The following MCTP1 variants were observed in gnomAD, a reference collection of about 807,000 sequenced individuals.
MCTP1 encodes multiple C2 and transmembrane domain containing 1.
MCTP1 carries 69 observed loss-of-function variants against 120.6 expected under a neutral mutation model. The ratio of observed to expected loss-of-function variants is 0.57; its 90% CI spans 0.47 to 0.70. The LOEUF is 0.70. Among genes scored for constraint, MCTP1 ranks in the 30% least tolerant of loss-of-function variants. The pLI, the probability that MCTP1 is intolerant of heterozygous loss-of-function variation, is 0.00. For missense variants in MCTP1, 1,203 were observed against 1,248.8 expected, an observed-to-expected ratio of 0.96 and a Z score of 0.55; for synonymous variants, 529 against 493.1, an observed-to-expected ratio of 1.07 and a Z score of -0.96.
At chr5:95,070,926 A>C (rs73777429) in intron 1 of MCTP1, among the ~76,000 whole-genome samples, 465 of 152,226 alleles carry the variant, frequency 3.1e-3, no homozygotes, top group African/African-American at 0.011. Flanking sequence ...GGCATCTCTC[A>C]GTGGGGAGGT....
rs1454923396 is a variant in MCTP1 at position 94,704,294 on chromosome 5, G to A, written c.*3202C>T. 2 of 151,546 alleles carry A rather than the reference G, an allele frequency of 1.3e-5. No individual in the cohort carries two copies. Among genetic ancestry groups the A allele is most frequent in the African/African-American group, 4.8e-5 (2 of 41,346 alleles). 9.4% of individuals were successfully genotyped at this position (151,546 alleles called of 1,614,324 possible). ...TAGCAATACCTGAGACGTTTTTCAA[G>A]AAGTATAATGGTAGCTGTCTTTACT... On this transcript the variant is annotated 3_prime_UTR_variant, in exon 23 of 23. Coordinates refer to ENST00000515393, the MANE Select transcript of MCTP1 (RefSeq NM_024717.7).
intron 4 of MCTP1, among the ~76,000 whole-genome samples, chr5:94,940,875 C>A (rs577776315): frequency 1.3e-5 from 2 of 151,476 alleles, no homozygotes; most frequent in South Asian, 4.2e-4. Flanking sequence ...ATTGTTATCA[C>A]TTTTTCTATA....
At chr5:95,110,924 C>T (rs548653847) in intron 1 of MCTP1, among the ~76,000 whole-genome samples, 1 of 152,290 alleles carries the variant, frequency 6.6e-6, no homozygotes, top group East Asian at 1.9e-4. Flanking sequence ...GGATAATTCC[C>T]TGGGACTCGT....
chr5:94,715,211 A>G (rs2032587810), intron 19 of MCTP1, among the ~76,000 whole-genome samples: 1 of 151,934 alleles, frequency 6.6e-6, no homozygotes, highest in Non-Finnish European at 1.5e-5. Flanking sequence ...CCAAACCCGG[A>G]TTCTACAGTG....
chr5:94,818,876 C>T (rs545728745), intron 17 of MCTP1, among the ~76,000 whole-genome samples: 2 of 152,116 alleles, frequency 1.3e-5, no homozygotes, highest in African/African-American at 4.8e-5. Context: ...TTCAATTTTT[C>T]TCATCATCTT....
At chr5:95,182,866 C>G (rs919491118) in intron 1 of MCTP1, among the ~76,000 whole-genome samples, 1 of 151,680 alleles carries the variant, frequency 6.6e-6, no homozygotes, top group Admixed American at 6.6e-5. Flanking sequence ...ACTAAAAATA[C>G]AAAATAAAAA....
chr5:95,023,456 G>A (rs775391446), intron 1 of MCTP1, among the ~76,000 whole-genome samples: 30 of 152,208 alleles, frequency 2.0e-4, no homozygotes, highest in Non-Finnish European at 1.5e-5. Context: ...CAAGATGTGG[G>A]AAACAGTGGG....
At chr5:95,176,079 C>A (rs1747939393) in intron 1 of MCTP1, among the ~76,000 whole-genome samples, 2 of 152,154 alleles carry the variant, frequency 1.3e-5, no homozygotes, top group African/African-American at 4.8e-5. Flanking sequence ...TATTTATAGG[C>A]CTTCTTGCCT....
intron 12 of MCTP1, among the ~76,000 whole-genome samples, chr5:94,885,852 G>C (rs1801215542): frequency 6.6e-6 from 1 of 152,128 alleles, no homozygotes; most frequent in Non-Finnish European, 1.5e-5. Context: ...AAACCAGAGT[G>C]CCACTTTCTC....
chr5:95,214,013 T>C (rs1337122623), intron 1 of MCTP1, among the ~76,000 whole-genome samples: 2 of 152,130 alleles, frequency 1.3e-5, no homozygotes, highest in Non-Finnish European at 2.9e-5. Flanking sequence ...AATTGACAAA[T>C]GGGATCTAAT....
chr5:95,037,015 A>G (rs769311736), intron 1 of MCTP1, among the ~76,000 whole-genome samples: 1 of 152,224 alleles, frequency 6.6e-6, no homozygotes, highest in Non-Finnish European at 1.5e-5. Flanking sequence ...TTTGCCTTCA[A>G]AGACTATCAT....
chr5:95,143,072 T>C (rs1212247574), intron 1 of MCTP1, among the ~76,000 whole-genome samples: 1 of 152,102 alleles, frequency 6.6e-6, no homozygotes, highest in Admixed American at 6.5e-5. Context: ...CTAAGAAGCA[T>C]CCACTTTCAC....
At chr5:94,735,932 G>A (rs1243603836) in intron 19 of MCTP1, among the ~76,000 whole-genome samples, 2 of 152,174 alleles carry the variant, frequency 1.3e-5, no homozygotes, top group Non-Finnish European at 2.9e-5. Context: ...CAGCAATTGG[G>A]TAAAGTACAC....
At chr5:94,782,507 A>G (rs934910170) in intron 18 of MCTP1, among the ~76,000 whole-genome samples, 1 of 152,176 alleles carries the variant, frequency 6.6e-6, no homozygotes, top group Non-Finnish European at 1.5e-5. Context: ...TGCAATGAAC[A>G]TCGAAACTGC....
chr5:94,866,189 T>G (rs954603117), intron 17 of MCTP1, among the ~76,000 whole-genome samples: 1 of 151,920 alleles, frequency 6.6e-6, no homozygotes, highest in African/African-American at 2.4e-5. Context: ...AATTTCAGAT[T>G]AACTGATTGG....
At chr5:94,789,789 C>T (rs1415432030) in intron 18 of MCTP1, among the ~76,000 whole-genome samples, 1 of 152,134 alleles carries the variant, frequency 6.6e-6, no homozygotes, top group Non-Finnish European at 1.5e-5. Context: ...CTGGGCAAGG[C>T]GTGTGTCTTC....
chr5:95,057,684 C>G (rs961125099), intron 1 of MCTP1, among the ~76,000 whole-genome samples: 15 of 152,290 alleles, frequency 9.8e-5, no homozygotes, highest in African/African-American at 3.6e-4. Context: ...AGCTCACCCC[C>G]AGCTTTACCT....
intron 1 of MCTP1, among the ~76,000 whole-genome samples, chr5:95,175,174 T>C (rs1435127480): frequency 6.6e-6 from 1 of 152,228 alleles, no homozygotes; most frequent in African/African-American, 2.4e-5. Context: ...GTGAAAATGA[T>C]GCTCTGAGAT....
At chr5:94,919,412 A>C (rs1167981095) in intron 7 of MCTP1, among the ~76,000 whole-genome samples, 6 of 152,240 alleles carry the variant, frequency 3.9e-5, no homozygotes. Context: ...TTAATATGAT[A>C]CTAAGGGAAC....
Sources: gnomAD v4.1 joint callset for allele counts (sites outside exome capture counted in the v4.1 genomes callset) on GRCh38, gnomAD v4.1.1 for gene constraint, MANE v1.5 for transcripts, NCBI Gene and HGNC (gene_info 2026-07-23, HGNC 2026-07-21) for gene names.